TCERG1: variants seen among roughly 807,000 people sequenced by gnomAD.
TCERG1 encodes the protein TATA box binding protein (TBP)-associated factor, RNA polymerase II, S, 150kD.
In TCERG1, 37 loss-of-function variants were observed where a neutral mutation model predicts 144.7. The ratio of observed to expected loss-of-function variants is 0.26; its 90% CI spans 0.20 to 0.34. The LOEUF (loss-of-function observed/expected upper bound fraction) is 0.34. Ranked by LOEUF, TCERG1 falls within the 10% of genes least tolerant of loss-of-function variation. TCERG1 has a pLI of 1.00. For missense variants in TCERG1, 1,027 were observed against 1,380.7 expected, an observed-to-expected ratio of 0.74 and a Z score of 4.06; for synonymous variants, 492 against 458.2, an observed-to-expected ratio of 1.07 and a Z score of -0.94.
chr5:146,480,068 T>A lies in TCERG1; in HGVS notation c.1860T>A (p.Asp620Glu). ...AATTAATGGAAGAAATTAATGAAGA[T>A]GAGCCTGTTAAAGCAAAAAAACGGA... ...EQELMEEINE[D>E]EPVKAKKRKR... Residue 620 changes from aspartate to glutamate, a missense_variant, in exon 12 of 23, where the codon GAT becomes GAA. By Grantham distance (45) the Asp-to-Glu change is conservative (BLOSUM62 2). Coordinates refer to ENST00000679501, the MANE Select transcript of TCERG1 (RefSeq NM_001382548.1). The A allele has an allele frequency of 6.2e-7, 1 of 1,601,168 alleles. No individual in the cohort carries two copies.
chr5:146,488,303 C>T (rs1334517922), intron 15 of TCERG1, among the ~76,000 whole-genome samples: 2 of 152,136 alleles, frequency 1.3e-5, no homozygotes, highest in Non-Finnish European at 2.9e-5. Context: ...AGACATCCTA[C>T]AGAATGGGAG....
chr5:146,490,370 CAT>C (rs1231408122), intron 15 of TCERG1, among the ~76,000 whole-genome samples: 1 of 152,196 alleles, frequency 6.6e-6, no homozygotes, highest in East Asian at 1.9e-4. Context: ...CTGTTCCCTA[CAT>C]AGTAAGTCTT....
At chr5:146,506,135 A>G (rs533673655) in intron 19 of TCERG1, among the ~76,000 whole-genome samples, 74 of 152,172 alleles carry the variant, frequency 4.9e-4, no homozygotes, top group Non-Finnish European at 9.1e-4. Context: ...TTATTTTGTA[A>G]TCTTATTGCA....
At chr5:146,471,424 G>GT (rs1764284457) in intron 8 of TCERG1, 64 bp from the exon 9 acceptor site, 1 of 1,458,656 alleles carries the variant, frequency 6.9e-7, no homozygotes, top group Non-Finnish European at 9.3e-7. Context: ...TTGCCTTCAT[G>GT]TTTTTGTGGA....
At chr5:146,498,204 G>A (rs1424599068) in intron 16 of TCERG1, among the ~76,000 whole-genome samples, 2 of 152,012 alleles carry the variant, frequency 1.3e-5, no homozygotes, top group Non-Finnish European at 2.9e-5. Context: ...TATGGCTGGA[G>A]GAAGGACTTA....
rs972126676 is a variant in TCERG1, at chr5:146,507,463, C to A, written c.2961+256C>A. 2 of 385,992 alleles carry A rather than the reference C, an allele frequency of 5.2e-6. No homozygotes were observed. The highest frequency in any genetic ancestry group is 4.5e-6 in the Non-Finnish European group (1 of 220,516). 23.9% of individuals were successfully genotyped at this position (385,992 alleles called of 1,614,324 possible). ...TTAGCCATGTGGTCAGTGATCCCTC[C>A]TAATAATAGATTTAGCAAATTTCTT... On this transcript the variant is annotated intron_variant, in intron 20 of 22. Coordinates refer to ENST00000679501, the MANE Select transcript of TCERG1 (RefSeq NM_001382548.1). This position sits in a 1 kb window ranked among gnomAD's most constrained non-coding sequence, Gnocchi z 4.6.
intron 3 of TCERG1, 29 bp downstream of exon 3, chr5:146,457,364 A>G (rs1467042137): frequency 6.4e-7 from 1 of 1,570,754 alleles, no homozygotes; most frequent in South Asian, 1.2e-5. Context: ...TTAAGTTGTC[A>G]TTTGTTGACA....
chr5:146,452,530 G>A (rs1470048942), intron 1 of TCERG1, among the ~76,000 whole-genome samples: 2 of 152,170 alleles, frequency 1.3e-5, no homozygotes, highest in African/African-American at 2.4e-5. Flanking sequence ...GGATACAAGA[G>A]TGAACACAAT....
At chr5:146,468,855 T>C (rs1764022446) in intron 6 of TCERG1, among the ~76,000 whole-genome samples, 1 of 152,080 alleles carries the variant, frequency 6.6e-6, no homozygotes, top group African/African-American at 2.4e-5. Flanking sequence ...ACCTGAAACT[T>C]AAAATTCAGT....
chr5:146,508,742 A>G (rs1417270804), intron 21 of TCERG1, among the ~76,000 whole-genome samples: 1 of 152,212 alleles, frequency 6.6e-6, no homozygotes, highest in Non-Finnish European at 1.5e-5. Context: ...GTATCCACAA[A>G]TTACTCTTTT....
Position 146,507,388 on chromosome 5 carries a change from C to T in TCERG1, c.2961+181C>T. 1 of 582,088 alleles carries T rather than the reference C, an allele frequency of 1.7e-6. No individual in the cohort carries two copies. Among genetic ancestry groups the T allele is most frequent in the Non-Finnish European group, 2.8e-6 (1 of 361,344 alleles). 36.1% of individuals were successfully genotyped at this position (582,088 alleles called of 1,614,324 possible). A position where few individuals can be genotyped will look rare whatever the true frequency, so the allele number is the denominator to read the frequency against. On this transcript the variant is annotated intron_variant, in intron 20 of 22. Transcript: ENST00000679501. This position sits in a 1 kb window ranked among gnomAD's most constrained non-coding sequence, Gnocchi z 4.6. Reference sequence around the variant, plus strand: ...TCTTATTTATTTAGAAATGCCTATTCTTTGCAGTTTTCACATTCATAACTG... The same window carrying T: ...TCTTATTTATTTAGAAATGCCTATTTTTTGCAGTTTTCACATTCATAACTG...
chr5:146,504,216 C>T, intron 19 of TCERG1: 1 of 402,234 alleles, frequency 2.5e-6, no homozygotes, highest in Non-Finnish European at 4.3e-6. Context: ...AGGCATTTTG[C>T]ATATATGGAA....
intron 14 of TCERG1, among the ~76,000 whole-genome samples, chr5:146,483,048 TCTTC>T (rs1196974426): frequency 2.0e-5 from 3 of 152,206 alleles, no homozygotes; most frequent in African/African-American, 7.2e-5. Context: ...ATATGATTAT[TCTTC>T]CTTTAATATC....
chr5:146,500,103 CTTTAT>C (rs1767294166), intron 17 of TCERG1: 1 of 151,016 alleles, frequency 6.6e-6, no homozygotes, highest in South Asian at 2.1e-4. Flanking sequence ...ATATATTCAG[CTTTAT>C]TTTATTTTGG....
At chr5:146,501,967 T>C (rs1446734392) in intron 17 of TCERG1, among the ~76,000 whole-genome samples, 1 of 140,352 alleles carries the variant, frequency 7.1e-6, no homozygotes, top group Non-Finnish European at 1.5e-5. Flanking sequence ...CAGTCTCAGC[T>C]CACTGCCACC....
In TCERG1 at chr5:146,478,485, A is replaced by G; in HGVS notation, c.1602-8A>G. On this transcript the variant is annotated splice_polypyrimidine_tract_variant and splice_region_variant and intron_variant, in intron 9 of 22. Coordinates refer to ENST00000679501, the MANE Select transcript of TCERG1 (RefSeq NM_001382548.1). The stretch of plus-strand genomic sequence containing the variant: ...CATAAGAGAATGATATTTTGCATCA[A>G]TTCTTAGGTGTGTCGTTTGGACTGG... 6.3e-7 allele frequency: 1 copy of G among 1,576,874 alleles called. No homozygotes were observed.
chr5:146,485,072 A>G (rs1362599687), intron 15 of TCERG1, among the ~76,000 whole-genome samples: 2 of 152,158 alleles, frequency 1.3e-5, no homozygotes, highest in African/African-American at 2.4e-5. Flanking sequence ...CATGGTCTCT[A>G]ATATTCTACA....
chr5:146,447,388 A>G lies in TCERG1; in HGVS notation c.39A>G (p.Arg13=), dbSNP rs746837061. ...GCGGGGACGGGGGCGAGAGTGAACG[A>G]TTCAACCCGGGGGAGCTCAGGTAAG... ...ERGGDGGESE[R]FNPGELRMAQ... is the part of the protein sequence containing the mutation. The change falls in exon 1 of 23, where the codon CGA becomes CGG. Residue 13 remains arginine (R), a synonymous_variant. Transcript: ENST00000679501. The G allele has an allele frequency of 1.2e-5, 19 of 1,611,554 alleles. No homozygotes were observed. The African/African-American group carries it at 2.5e-4, about 22-fold the overall frequency.
intron 9 of TCERG1, among the ~76,000 whole-genome samples, chr5:146,474,972 G>T (rs550892297): frequency 1.3e-5 from 2 of 151,956 alleles, no homozygotes; most frequent in Non-Finnish European, 2.9e-5. Flanking sequence ...TCCGAGGTAC[G>T]CCTGTCTACT....
Sources: allele counts gnomAD v4.1 joint callset (sites outside exome capture counted in the v4.1 genomes callset), GRCh38; gene constraint gnomAD v4.1.1; non-coding constraint Gnocchi (gnomAD v3.1); transcripts MANE v1.5; gene names NCBI Gene and HGNC (gene_info 2026-07-23, HGNC 2026-07-21).